NTM: variants seen among roughly 807,000 people sequenced by gnomAD.
The protein encoded by NTM is neurotrimin, also known as IgLON family member 2.
In NTM, 13 loss-of-function variants were observed where a neutral mutation model predicts 42.1. The observed-to-expected ratio is 0.31, with a 90% CI of 0.20 to 0.49. The LOEUF is 0.49. Ranked by LOEUF, NTM falls within the 20% of genes least tolerant of loss-of-function variation. The pLI is 0.99. For synonymous variants in NTM, 187 were observed against 179.2 expected (o/e 1.04, Z -0.35); for missense variants, 373 against 452.8 (o/e 0.82, Z 1.60).
intron 2 of NTM, among the ~76,000 whole-genome samples, chr11:132,045,996 C>A (rs879619450): frequency 6.6e-6 from 1 of 152,194 alleles, no homozygotes; most frequent in Non-Finnish European, 1.5e-5. Context: ...TATAAAGACT[C>A]CAAAATGGAA....
chr11:131,821,603 G>A (rs1276611614), intron 1 of NTM, among the ~76,000 whole-genome samples: 2 of 152,354 alleles, frequency 1.3e-5, no homozygotes, highest in South Asian at 2.1e-4. Context: ...TGAGAATCAC[G>A]TAAACAAAGC....
chr11:131,701,225 G>T (rs969662901), intron 1 of NTM, among the ~76,000 whole-genome samples: 1 of 152,124 alleles, frequency 6.6e-6, no homozygotes, highest in Non-Finnish European at 1.5e-5. Flanking sequence ...TGCATGACTT[G>T]GGCAAGTTGG....
At chr11:131,881,434 G>A (rs765445370) in intron 1 of NTM, among the ~76,000 whole-genome samples, 3 of 150,024 alleles carry the variant, frequency 2.0e-5, no homozygotes, top group South Asian at 2.1e-4. Context: ...TTTCAGATTG[G>A]GGATAATAAA....
chr11:131,818,624 C>G (rs1278140529), intron 1 of NTM, among the ~76,000 whole-genome samples: 1 of 152,170 alleles, frequency 6.6e-6, no homozygotes, highest in Non-Finnish European at 1.5e-5. Context: ...ATTCATCCAA[C>G]AGAGGTACCA....
intron 1 of NTM, among the ~76,000 whole-genome samples, chr11:131,597,767 C>G (rs919144219): frequency 2.0e-5 from 3 of 152,206 alleles, no homozygotes; most frequent in African/African-American, 7.2e-5. Flanking sequence ...GTCTGTGGAT[C>G]AAGGGAGTGC....
intron 1 of NTM, among the ~76,000 whole-genome samples, chr11:131,401,054 C>G (rs1945081767): frequency 6.7e-6 from 1 of 149,546 alleles, no homozygotes; most frequent in Non-Finnish European, 1.5e-5. Flanking sequence ...CATAGACAGA[C>G]AGAAAATTTG....
At chr11:132,252,280 A>G (rs1444234969) in intron 4 of NTM, among the ~76,000 whole-genome samples, 1 of 151,988 alleles carries the variant, frequency 6.6e-6, no homozygotes, top group East Asian at 1.9e-4. Context: ...CAGCTCTACC[A>G]TCCTAACTTC....
intron 1 of NTM, among the ~76,000 whole-genome samples, chr11:131,764,778 C>T (rs892747790): frequency 7.2e-5 from 11 of 152,114 alleles, no homozygotes; most frequent in African/African-American, 2.4e-4. Context: ...CTCGAAGTTG[C>T]TCCTTCCTAT....
intron 1 of NTM, among the ~76,000 whole-genome samples, chr11:131,834,625 C>CATATATATAT (rs10604283): frequency 0.13 from 17,743 of 133,552 alleles, 1,429 homozygotes; most frequent in Admixed American, 0.2. Flanking sequence ...TATACATATA[C>CATATATATAT]ATATATATAT....
intron 1 of NTM, among the ~76,000 whole-genome samples, chr11:131,704,407 G>A (rs1332837057): frequency 1.3e-5 from 2 of 152,188 alleles, no homozygotes; most frequent in Non-Finnish European, 2.9e-5. Flanking sequence ...TCCAGCATGA[G>A]GACTTCAATA....
chr11:132,150,124 C>T (rs943895848), intron 3 of NTM, among the ~76,000 whole-genome samples: 11 of 152,096 alleles, frequency 7.2e-5, no homozygotes, highest in African/African-American at 2.7e-4. Context: ...CGTGGCATGG[C>T]GTGAAGGGGA....
At chr11:131,992,053 A>G (rs569612885) in intron 2 of NTM, among the ~76,000 whole-genome samples, 1 of 152,292 alleles carries the variant, frequency 6.6e-6, no homozygotes, top group Admixed American at 6.5e-5. Flanking sequence ...CTTGAACAGT[A>G]TGGGTTTTAA....
intron 1 of NTM, among the ~76,000 whole-genome samples, chr11:131,565,711 T>A (rs558674390): frequency 7.9e-5 from 12 of 152,320 alleles, no homozygotes; most frequent in South Asian, 6.2e-4. Flanking sequence ...GCTAGAAAGA[T>A]GTCTGAGAAA....
At chr11:132,065,297 A>G (rs985475286) in intron 2 of NTM, among the ~76,000 whole-genome samples, 1 of 152,092 alleles carries the variant, frequency 6.6e-6, no homozygotes, top group Non-Finnish European at 1.5e-5. Context: ...TACATGCAAC[A>G]TTTTCCTGCT....
chr11:132,320,663 T>C (rs1453104087), intron 7 of NTM, among the ~76,000 whole-genome samples: 22 of 152,216 alleles, frequency 1.4e-4, no homozygotes, highest in South Asian at 2.1e-4. Context: ...TCGAACTGGG[T>C]GGAGCCCACC....
intron 1 of NTM, among the ~76,000 whole-genome samples, chr11:131,399,954 A>G (rs1487489266): frequency 6.6e-6 from 1 of 152,142 alleles, no homozygotes; most frequent in Non-Finnish European, 1.5e-5. Flanking sequence ...TACACATGAA[A>G]TTGCTAGTAT....
At chr11:131,469,481 C>T (rs1952216298) in intron 1 of NTM, among the ~76,000 whole-genome samples, 1 of 152,162 alleles carries the variant, frequency 6.6e-6, no homozygotes, top group Non-Finnish European at 1.5e-5. Flanking sequence ...AAAGTCTTGT[C>T]CACTACATTA....
chr11:131,577,793 T>C (rs1276283005), intron 1 of NTM, among the ~76,000 whole-genome samples: 1 of 152,218 alleles, frequency 6.6e-6, no homozygotes, highest in East Asian at 1.9e-4. Context: ...AGTGATTTCC[T>C]ACTGTCTTAG....
intron 1 of NTM, among the ~76,000 whole-genome samples, chr11:131,607,097 T>A (rs917815307): frequency 2.0e-5 from 3 of 152,258 alleles, no homozygotes; most frequent in Non-Finnish European, 4.4e-5. Flanking sequence ...CAAGTGCTGA[T>A]AGCTTTTGAG....
Sources: gnomAD v4.1 joint callset for allele counts (sites outside exome capture counted in the v4.1 genomes callset) on GRCh38, gnomAD v4.1.1 for gene constraint, MANE v1.5 for transcripts, NCBI Gene and HGNC (gene_info 2026-07-23, HGNC 2026-07-21) for gene names.